The following GRID1 variants were observed in gnomAD, a reference collection of about 807,000 sequenced individuals.
GRID1 encodes glutamate ionotropic receptor delta type subunit 1, also known as glutamate receptor ionotropic, delta-1.
A neutral mutation model predicts 98.0 loss-of-function variants in GRID1; 28 were observed. That is an observed-to-expected ratio of 0.29 (90% confidence interval 0.21 to 0.39). The LOEUF is 0.39. Ranked by LOEUF, GRID1 falls within the 10% of genes least tolerant of loss-of-function variation. GRID1 has a pLI of 1.00. For missense variants in GRID1, 1,111 were observed against 1,340.5 expected, an observed-to-expected ratio of 0.83 and a Z score of 2.67; for synonymous variants, 553 against 538.5, an observed-to-expected ratio of 1.03 and a Z score of -0.37.
At chr10:86,274,424 C>G (rs1050413581) in intron 2 of GRID1, among the ~76,000 whole-genome samples, 9 of 152,226 alleles carry the variant, frequency 5.9e-5, no homozygotes, top group African/African-American at 1.4e-4. Flanking sequence ...GAACTTTAAA[C>G]TAGTTTTTTC....
At chr10:86,046,990 C>T (rs943100591) in intron 4 of GRID1, among the ~76,000 whole-genome samples, 16 of 152,166 alleles carry the variant, frequency 1.1e-4, no homozygotes, top group African/African-American at 3.6e-4. Context: ...TCTCTCTAGT[C>T]AGGCAGTGGC....
At chr10:86,273,409 G>C (rs1214133605) in intron 2 of GRID1, among the ~76,000 whole-genome samples, 27 of 146,990 alleles carry the variant, frequency 1.8e-4, no homozygotes, top group Non-Finnish European at 3.0e-4. Context: ...ATGATTTATA[G>C]TCCTTTGGGT....
At chr10:86,120,509 T>C (rs540114059) in intron 4 of GRID1, among the ~76,000 whole-genome samples, 4 of 152,324 alleles carry the variant, frequency 2.6e-5, no homozygotes, top group Non-Finnish European at 4.4e-5. Flanking sequence ...CTTCAATAAA[T>C]GTTTATTTAA....
chr10:86,210,225 G>A (rs1288367772), intron 2 of GRID1, among the ~76,000 whole-genome samples: 2 of 152,212 alleles, frequency 1.3e-5, no homozygotes, highest in African/African-American at 4.8e-5. Flanking sequence ...GGTGGGTGCA[G>A]AGTGACAAAG....
At chr10:85,995,064 A>G (rs12779841) in intron 4 of GRID1, among the ~76,000 whole-genome samples, 20,912 of 152,222 alleles carry the variant, frequency 0.14, 1,559 homozygotes, top group East Asian at 0.18. Flanking sequence ...TTCATGTTAG[A>G]CTTGCGGATT....
At chr10:85,709,090 TA>T in intron 12 of GRID1, 1 of 340,294 alleles carries the variant, frequency 2.9e-6, no homozygotes, top group South Asian at 3.3e-5. Context: ...AAACCCCTGT[TA>T]AGGGAATGAC....
chr10:86,339,678 G>A (rs1007300766), intron 2 of GRID1, among the ~76,000 whole-genome samples: 1 of 152,212 alleles, frequency 6.6e-6, no homozygotes, highest in Non-Finnish European at 1.5e-5. Context: ...GAGCAGAGTG[G>A]GGAGGCTGGG....
rs528640167 is a variant in GRID1, at chr10:85,647,389, T to C, written c.2006A>G (p.Gln669Arg). 6.8e-6 allele frequency: 11 copies of C among 1,613,606 alleles called. No individual in the cohort carries two copies. Among genetic ancestry groups the C allele is most frequent in the Middle Eastern group, 1.6e-4 (1 of 6,062 alleles). ...CATTTCCACTTGTTTGGACAGGTCCTGGAAAGTCCTGAAATGCAGAAAGGC... is the reference window on the plus strand; with the variant it reads ...CATTTCCACTTGTTTGGACAGGTCCCGGAAAGTCCTGAAATGCAGAAAGGC... Reference protein sequence around the residue: ...SRMDNPIRTFQDLSKQVEMSY... With the variant: ...SRMDNPIRTFRDLSKQVEMSY... Residue 669 changes from glutamine to arginine, a missense_variant, in exon 13 of 16, where the codon CAG (glutamine) becomes CGG (arginine). Gln to Arg is a conservative substitution (Grantham distance 43). Coordinates refer to ENST00000327946, the MANE Select transcript of GRID1 (RefSeq NM_017551.3).
chr10:85,697,441 T>C (rs1433600799), intron 12 of GRID1, among the ~76,000 whole-genome samples: 2 of 152,180 alleles, frequency 1.3e-5, no homozygotes, highest in Admixed American at 1.3e-4. Context: ...ACCAGCTTTC[T>C]TATGCTTACT....
intron 8 of GRID1, among the ~76,000 whole-genome samples, chr10:85,826,937 C>T (rs777908234): frequency 6.6e-6 from 1 of 152,218 alleles, no homozygotes; most frequent in South Asian, 2.1e-4. Flanking sequence ...CACAATCAAA[C>T]CCCCAAGGGC....
At position 86,366,619 on chromosome 10, in the gene GRID1, G is replaced by A. The variant is rs1848686114; in HGVS notation, c.-227C>T. The A allele has an allele frequency of 6.1e-6, 1 of 163,190 alleles. No homozygotes were observed. The highest frequency in any genetic ancestry group is 6.5e-5 in the Admixed American group (1 of 15,428). 10.1% of individuals were successfully genotyped at this position (163,190 alleles called of 1,614,324 possible). On this transcript the variant is annotated 5_prime_UTR_variant, in exon 1 of 16. Coordinates refer to ENST00000327946, the MANE Select transcript of GRID1 (RefSeq NM_017551.3). This position sits in a 1 kb window ranked among gnomAD's most constrained non-coding sequence, Gnocchi z 4.1. ...CCGCTCCGGCTCCGGTGGCGGCTGC[G>A]GCGGTGCTGGCAGCTTGAGCCCAGG...
intron 12 of GRID1, among the ~76,000 whole-genome samples, chr10:85,704,865 G>A (rs1297473184): frequency 1.3e-5 from 2 of 152,180 alleles, no homozygotes; most frequent in Non-Finnish European, 2.9e-5. Context: ...GCTCCTGAAT[G>A]ACTACTGGGT....
At chr10:85,761,372 T>C (rs1221263771) in intron 8 of GRID1, among the ~76,000 whole-genome samples, 1 of 152,232 alleles carries the variant, frequency 6.6e-6, no homozygotes, top group African/African-American at 2.4e-5. Context: ...AATTGACTCC[T>C]GGAGTTCTTT....
intron 2 of GRID1, among the ~76,000 whole-genome samples, chr10:86,359,045 C>G (rs995514741): frequency 4.6e-5 from 7 of 152,156 alleles, no homozygotes; most frequent in African/African-American, 1.7e-4. Context: ...CAGATTTTAG[C>G]CCAGTGAGAC....
At chr10:85,780,944 G>C (rs887658921) in intron 8 of GRID1, among the ~76,000 whole-genome samples, 4 of 152,352 alleles carry the variant, frequency 2.6e-5, no homozygotes, top group Non-Finnish European at 5.9e-5. Flanking sequence ...AAAATGCCCT[G>C]CTTGGCCCAG....
chr10:85,977,549 GAA>G, intron 4 of GRID1, among the ~76,000 whole-genome samples: 1 of 152,344 alleles, frequency 6.6e-6, no homozygotes, highest in Non-Finnish European at 1.5e-5. Flanking sequence ...TCATAGCTAT[GAA>G]ACATTTCTAG....
intron 3 of GRID1, among the ~76,000 whole-genome samples, chr10:86,150,716 G>A (rs911103087): frequency 6.6e-6 from 1 of 152,206 alleles, no homozygotes; most frequent in Non-Finnish European, 1.5e-5. Flanking sequence ...AGAAGAGGGG[G>A]TTTTGGGAGG....
chr10:86,360,548 T>C (rs529688828), intron 2 of GRID1, among the ~76,000 whole-genome samples: 1 of 152,196 alleles, frequency 6.6e-6, no homozygotes, highest in Non-Finnish European at 1.5e-5. Flanking sequence ...AAAGGTCAGT[T>C]TAGGTCCTCT....
intron 4 of GRID1, among the ~76,000 whole-genome samples, chr10:85,982,268 T>C (rs1198014061): frequency 2.0e-5 from 3 of 152,146 alleles, no homozygotes; most frequent in Non-Finnish European, 4.4e-5. Flanking sequence ...CAGTAGCCAT[T>C]TCACTATTTG....
Sources: allele counts gnomAD v4.1 joint callset (sites outside exome capture counted in the v4.1 genomes callset), GRCh38; gene constraint gnomAD v4.1.1; non-coding constraint Gnocchi (gnomAD v3.1); transcripts MANE v1.5; gene names NCBI Gene and HGNC (gene_info 2026-07-23, HGNC 2026-07-21).